The following PLPP1 variants were observed in gnomAD, a reference collection of about 807,000 sequenced individuals.
PLPP1 encodes phospholipid phosphatase 1, also known as lipid phosphate phosphohydrolase 1a.
In PLPP1, 24 loss-of-function variants were observed where a neutral mutation model predicts 31.2. That is an observed-to-expected ratio of 0.77 (90% CI 0.56 to 1.08). PLPP1 has a LOEUF of 1.08. PLPP1 is among the 50% of genes least tolerant of loss of function. The pLI is 0.00. For missense variants in PLPP1, 319 were observed against 342.7 expected, an observed-to-expected ratio of 0.93 and a Z score of 0.55; for synonymous variants, 146 against 126.3, an observed-to-expected ratio of 1.16 and a Z score of -1.05.
At chr5:55,524,122 T>C (rs1753731019) in intron 1 of PLPP1, among the ~76,000 whole-genome samples, 1 of 152,136 alleles carries the variant, frequency 6.6e-6, no homozygotes, top group Non-Finnish European at 1.5e-5. Context: ...TTAAAAACAA[T>C]TTGAGTTTAA....
intron 1 of PLPP1, chr5:55,530,257 G>A: frequency 6.7e-7 from 1 of 1,502,328 alleles, no homozygotes; most frequent in Non-Finnish European, 9.2e-7. Flanking sequence ...TGATGTCTCT[G>A]ATTTAGATGA....
At chr5:55,530,996 G>A (rs961021768) in intron 1 of PLPP1, among the ~76,000 whole-genome samples, 1 of 152,190 alleles carries the variant, frequency 6.6e-6, no homozygotes, top group Non-Finnish European at 1.5e-5. Context: ...CAACAACATC[G>A]CGCCTTTCAT....
At chr5:55,528,994 G>A (rs530509541) in intron 1 of PLPP1, among the ~76,000 whole-genome samples, 24 of 151,734 alleles carry the variant, frequency 1.6e-4, no homozygotes, top group Non-Finnish European at 2.9e-4. Flanking sequence ...ACTGTATCAC[G>A]GTCACACATT....
intron 4 of PLPP1, among the ~76,000 whole-genome samples, chr5:55,427,184 G>A (rs1156642953): frequency 5.3e-5 from 8 of 151,218 alleles, no homozygotes; most frequent in East Asian, 1.9e-4. Flanking sequence ...TATATGACTC[G>A]TAGACTAAAT....
chr5:55,511,652 T>C (rs1211484493), intron 1 of PLPP1, among the ~76,000 whole-genome samples: 1 of 29,046 alleles, frequency 3.4e-5, no homozygotes, highest in East Asian at 6.8e-4. Flanking sequence ...CGTGTTGAGT[T>C]TTTTTTTTTT....
intron 3 of PLPP1, among the ~76,000 whole-genome samples, chr5:55,457,813 C>T (rs919740567): frequency 3.3e-5 from 5 of 150,240 alleles, no homozygotes; most frequent in African/African-American, 7.4e-5. Context: ...CGCTTGAACC[C>T]GGGAGGCAGA....
chr5:55,503,364 G>C (rs974376087), intron 1 of PLPP1, among the ~76,000 whole-genome samples: 14 of 152,258 alleles, frequency 9.2e-5, no homozygotes, highest in African/African-American at 3.1e-4. Context: ...GTAATGTGAG[G>C]AATTAAAAGG....
intron 4 of PLPP1, among the ~76,000 whole-genome samples, chr5:55,439,373 C>T (rs1751569143): frequency 6.6e-6 from 1 of 152,160 alleles, no homozygotes; most frequent in South Asian, 2.1e-4. Context: ...TTCTGCACCT[C>T]GCTTCCATTT....
chr5:55,433,445 CTT>C (rs766261036), intron 4 of PLPP1, among the ~76,000 whole-genome samples: 11 of 135,486 alleles, frequency 8.1e-5, no homozygotes, highest in Non-Finnish European at 1.3e-4. Context: ...CCAAAAAACT[CTT>C]AGATCTGATA....
At chr5:55,456,515 G>A (rs1752013333) in intron 3 of PLPP1, among the ~76,000 whole-genome samples, 2 of 152,154 alleles carry the variant, frequency 1.3e-5, no homozygotes, top group South Asian at 2.1e-4. Context: ...AGGCTGTAGA[G>A]ATACATAAGT....
chr5:55,437,252 C>A (rs556463641), intron 4 of PLPP1, among the ~76,000 whole-genome samples: 2 of 152,128 alleles, frequency 1.3e-5, no homozygotes, highest in African/African-American at 4.8e-5. Context: ...AATAAATAAT[C>A]GTTGAACGAG....
chr5:55,461,484 C>T (rs1752152960), intron 3 of PLPP1, among the ~76,000 whole-genome samples: 2 of 151,726 alleles, frequency 1.3e-5, no homozygotes, highest in African/African-American at 2.4e-5. Flanking sequence ...ACATAATATA[C>T]TATATTAGAG....
At chr5:55,511,850 T>G (rs910732458) in intron 1 of PLPP1, among the ~76,000 whole-genome samples, 2 of 151,152 alleles carry the variant, frequency 1.3e-5, no homozygotes, top group Non-Finnish European at 2.9e-5. Flanking sequence ...TTTTTATTTT[T>G]AGTAGAGACG....
At chr5:55,525,510 T>TA (rs1287431674) in intron 1 of PLPP1, among the ~76,000 whole-genome samples, 1 of 152,136 alleles carries the variant, frequency 6.6e-6, no homozygotes, top group African/African-American at 2.4e-5. Flanking sequence ...TTTGTTTGTT[T>TA]AAAAAAATAG....
intron 4 of PLPP1, among the ~76,000 whole-genome samples, chr5:55,435,438 GA>G (rs1561222130): frequency 2.6e-5 from 4 of 152,174 alleles, no homozygotes; most frequent in Non-Finnish European, 5.9e-5. Context: ...GGATGCGGAA[GA>G]ATCTCCAGTC....
At chr5:55,468,436 A>G (rs1216992142) in intron 2 of PLPP1, 2 of 274,442 alleles carry the variant, frequency 7.3e-6, no homozygotes, top group Non-Finnish European at 1.4e-5. Flanking sequence ...TTTTTCTTGT[A>G]TTCAAATAAA....
chr5:55,429,675 C>A (rs898392640), intron 4 of PLPP1, among the ~76,000 whole-genome samples: 2 of 152,052 alleles, frequency 1.3e-5, no homozygotes, highest in Non-Finnish European at 2.9e-5. Context: ...TGCATCATTC[C>A]CTGAGGCCCA....
intron 2 of PLPP1, among the ~76,000 whole-genome samples, chr5:55,471,934 A>G (rs1054725671): frequency 6.8e-6 from 1 of 148,084 alleles, no homozygotes; most frequent in Non-Finnish European, 1.5e-5. Context: ...AAGCCTGCAC[A>G]ACACAGAGAG....
intron 1 of PLPP1, among the ~76,000 whole-genome samples, chr5:55,485,618 T>C (rs1330370829): frequency 6.6e-6 from 1 of 151,982 alleles, no homozygotes; most frequent in Non-Finnish European, 1.5e-5. Flanking sequence ...AAATTTCTAA[T>C]GGGTTTTTAA....
Sources: gnomAD v4.1 joint callset for allele counts (sites outside exome capture counted in the v4.1 genomes callset) on GRCh38, gnomAD v4.1.1 for gene constraint, MANE v1.5 for transcripts, NCBI Gene and HGNC (gene_info 2026-07-23, HGNC 2026-07-21) for gene names.